The following RAB3GAP1 variants were observed in gnomAD, a reference collection of about 807,000 sequenced individuals.
The protein encoded by RAB3GAP1 is RAB3 GTPase activating protein catalytic subunit 1.
Under a neutral mutation model 130.7 loss-of-function variants are expected in RAB3GAP1, and 86 were observed. The observed-to-expected ratio is 0.66, with a 90% CI of 0.55 to 0.79. The LOEUF is 0.79. Ranked by LOEUF, RAB3GAP1 falls within the 30% of genes least tolerant of loss-of-function variation. The pLI is 0.00. For missense variants in RAB3GAP1, 1,029 were observed against 1,169.4 expected, an observed-to-expected ratio of 0.88 and a Z score of 1.75; for synonymous variants, 367 against 401.7, an observed-to-expected ratio of 0.91 and a Z score of 1.03.
At chr2:135,117,591 T>A (rs188528374) in intron 7 of RAB3GAP1, among the ~76,000 whole-genome samples, 19 of 58,388 alleles carry the variant, frequency 3.3e-4, no homozygotes, top group South Asian at 1.2e-3. Flanking sequence ...TGCTTCTTCT[T>A]CTGCTGCTTC....
chr2:135,140,946 T>C (rs565294477), intron 17 of RAB3GAP1, among the ~76,000 whole-genome samples: 1 of 152,296 alleles, frequency 6.6e-6, no homozygotes, highest in East Asian at 1.9e-4. Context: ...ATATTAACTC[T>C]TTTCTGCACA....
intron 3 of RAB3GAP1, among the ~76,000 whole-genome samples, chr2:135,061,922 T>C (rs1689181636): frequency 6.6e-6 from 1 of 152,224 alleles, no homozygotes; most frequent in Non-Finnish European, 1.5e-5. Flanking sequence ...TTCCATTGAG[T>C]TGCTTTGTCA....
chr2:135,140,663 T>TA (rs1691812071), intron 17 of RAB3GAP1, among the ~76,000 whole-genome samples: 1 of 152,236 alleles, frequency 6.6e-6, no homozygotes, highest in South Asian at 2.1e-4. Flanking sequence ...GGAAGCTTGT[T>TA]AGAGGCACAG....
At chr2:135,082,944 C>T (rs912857746) in intron 3 of RAB3GAP1, among the ~76,000 whole-genome samples, 2 of 152,090 alleles carry the variant, frequency 1.3e-5, no homozygotes, top group Admixed American at 1.3e-4. Context: ...AGCAAATGTC[C>T]TACACACATT....
At chr2:135,147,522 T>A (rs1187793866) in intron 17 of RAB3GAP1, among the ~76,000 whole-genome samples, 3 of 152,008 alleles carry the variant, frequency 2.0e-5, no homozygotes, top group Non-Finnish European at 2.9e-5. Context: ...AAGTCACATA[T>A]CATATTCGAA....
chr2:135,096,616 G>T (rs542615893), intron 5 of RAB3GAP1, among the ~76,000 whole-genome samples: 1 of 152,224 alleles, frequency 6.6e-6, no homozygotes, highest in African/African-American at 2.4e-5. Context: ...CAGAGCATGA[G>T]CTTTGTATGC....
At chr2:135,117,080 G>A (rs970608865) in intron 7 of RAB3GAP1, among the ~76,000 whole-genome samples, 5 of 151,604 alleles carry the variant, frequency 3.3e-5, no homozygotes, top group Non-Finnish European at 5.9e-5. Context: ...TAGGAAATTA[G>A]AGTAAAAGCT....
At chr2:135,083,598 A>G (rs189454007) in intron 3 of RAB3GAP1, among the ~76,000 whole-genome samples, 122 of 151,902 alleles carry the variant, frequency 8.0e-4, no homozygotes, top group South Asian at 1.0e-3. Context: ...AGTAGGTAGA[A>G]CTATAGGCAT....
Position 135,164,701 on chromosome 2 carries a change from G to A in RAB3GAP1, c.2709+5G>A. The A allele has an allele frequency of 6.3e-7, 1 of 1,590,020 alleles. No homozygotes were observed. Among genetic ancestry groups the A allele is most frequent in the Non-Finnish European group, 8.6e-7 (1 of 1,159,382 alleles). On this transcript the variant is annotated splice_donor_5th_base_variant and intron_variant, in intron 23 of 23. Coordinates refer to ENST00000264158, the MANE Select transcript of RAB3GAP1 (RefSeq NM_012233.3). ...CTGTTTGTGAATGCCCAGAGGGTAT[G>A]TGAGAGTCATTATTGACTCCATCAT...
At chr2:135,115,161 C>T in intron 6 of RAB3GAP1, 55 bp from the exon 7 acceptor site, 1 of 1,501,702 alleles carries the variant, frequency 6.7e-7, no homozygotes, top group Non-Finnish European at 9.2e-7. Context: ...ATTTGAGGTT[C>T]AGGTTTAATG....
At chr2:135,106,465 G>C (rs575006813) in intron 5 of RAB3GAP1, among the ~76,000 whole-genome samples, 41 of 152,218 alleles carry the variant, frequency 2.7e-4, no homozygotes, top group African/African-American at 8.9e-4. Flanking sequence ...CCCCCAACCC[G>C]TGCTCTCTGA....
chr2:135,175,826 C>T (rs773113512), intron 24 of RAB3GAP1, among the ~76,000 whole-genome samples: 2 of 152,116 alleles, frequency 1.3e-5, no homozygotes, highest in African/African-American at 2.4e-5. Flanking sequence ...CTCTATCAGA[C>T]GTGGTAGAGA....
intron 3 of RAB3GAP1, among the ~76,000 whole-genome samples, chr2:135,085,382 AT>A (rs1386115507): frequency 6.6e-6 from 1 of 152,176 alleles, no homozygotes; most frequent in Non-Finnish European, 1.5e-5. Flanking sequence ...GCTGTTGAAT[AT>A]TTTAAGTGGA....
At position 135,085,624 on chromosome 2, in the gene RAB3GAP1, A is replaced by G. The variant is rs145657295; in HGVS notation, c.151-5374A>G. Among the ~76,000 whole-genome samples the G allele has an allele frequency of 3.0e-3, 452 of 152,312 alleles. 3 individuals carry two copies. The highest frequency in any genetic ancestry group is 0.01 in the African/African-American group (421 of 41,576). ...TGGAAAGGATGGTTGGTGCCAAATTATGATAATTAGTACCATGCTGTTGTT... is the reference window on the plus strand; with the variant it reads ...TGGAAAGGATGGTTGGTGCCAAATTGTGATAATTAGTACCATGCTGTTGTT... On this transcript the variant is annotated intron_variant, in intron 3 of 23. Coordinates refer to ENST00000264158, the MANE Select transcript of RAB3GAP1 (RefSeq NM_012233.3).
intron 3 of RAB3GAP1, 130 bp downstream of exon 3, chr2:135,058,216 T>C: frequency 1.3e-6 from 1 of 765,056 alleles, no homozygotes; most frequent in Admixed American, 2.2e-5. Context: ...AAACATCAAA[T>C]AGCATTTGGA....
chr2:135,136,561 C>T (rs1263926624), intron 17 of RAB3GAP1: 1 of 236,968 alleles, frequency 4.2e-6, no homozygotes, highest in Non-Finnish European at 7.9e-6. Flanking sequence ...TAGATCACGT[C>T]ATCATATATA....
At chr2:135,088,338 G>T (rs1690044778) in intron 3 of RAB3GAP1, among the ~76,000 whole-genome samples, 1 of 152,048 alleles carries the variant, frequency 6.6e-6, no homozygotes, top group Non-Finnish European at 1.5e-5. Flanking sequence ...CGCAGTTGAT[G>T]CCTTGATTTA....
intron 3 of RAB3GAP1, among the ~76,000 whole-genome samples, chr2:135,085,189 G>A (rs547175062): frequency 1.8e-4 from 28 of 152,288 alleles, no homozygotes; most frequent in Non-Finnish European, 4.0e-4. Context: ...GGAGGTGCTC[G>A]TGTTGAAACA....
intron 3 of RAB3GAP1, among the ~76,000 whole-genome samples, chr2:135,085,290 AATAC>A (rs1364777460): frequency 2.0e-5 from 3 of 152,342 alleles, no homozygotes; most frequent in South Asian, 4.1e-4. Flanking sequence ...GTAATACTAT[AATAC>A]ATAATTGGAA....
Sources: allele counts gnomAD v4.1 joint callset (sites outside exome capture counted in the v4.1 genomes callset), GRCh38; gene constraint gnomAD v4.1.1; transcripts MANE v1.5; gene names NCBI Gene and HGNC (gene_info 2026-07-23, HGNC 2026-07-21).